FBXO36: variants seen among roughly 807,000 people sequenced by gnomAD.
FBXO36 encodes the protein F-box only protein 36.
In FBXO36, 18 loss-of-function variants were observed where a neutral mutation model predicts 17.0. The observed-to-expected ratio is 1.06, with a 90% confidence interval of 0.73 to 1.57. The LOEUF is 1.57. FBXO36 is among the 40% of genes most tolerant of loss of function. The pLI is 0.00. For missense variants in FBXO36, 229 were observed against 221.9 expected (o/e 1.03, Z -0.20); for synonymous variants, 83 against 85.3 (o/e 0.97, Z 0.15).
At chr2:229,982,040 G>A (rs1215310738) in intron 2 of FBXO36, among the ~76,000 whole-genome samples, 1 of 147,822 alleles carries the variant, frequency 6.8e-6, no homozygotes, top group Non-Finnish European at 1.5e-5. Flanking sequence ...TTTTTTTTTT[G>A]AGAGACCTAG....
rs1410207060 is a variant in FBXO36 at position 229,922,571 on chromosome 2, A to T, written c.58A>T (p.Ser20Cys). The change falls in exon 1 of 4, where the codon AGC becomes TGC. Residue 20 changes from serine to cysteine, a missense_variant. Ser to Cys is a moderately radical substitution (Grantham distance 112). Coordinates refer to ENST00000283946, the MANE Select transcript of FBXO36 (RefSeq NM_174899.5). ...AACTGTAGGACAAGGCCCGCCGCCT[A>T]GCAAAGACTATTACCAGTTACTGGT... ...FETVGQGPPPSKDYYQLLVTR... is the reference protein window; with the variant it reads ...FETVGQGPPPCKDYYQLLVTR... 4 of 1,614,042 alleles carry T rather than the reference A, an allele frequency of 2.5e-6. No homozygotes were observed. In the South Asian group the frequency reaches 4.4e-5, roughly 18 times the overall value.
chr2:229,929,249 T>C lies in FBXO36; in HGVS notation c.96+6640T>C, dbSNP rs115861223. Among the ~76,000 whole-genome samples the C allele has an allele frequency of 9.7e-3, 1,471 of 152,056 alleles. 26 individuals are homozygous for C. The highest frequency in any genetic ancestry group is 0.034 in the African/African-American group (1,407 of 41,514). On this transcript the variant is annotated intron_variant, in intron 1 of 3. Coordinates refer to ENST00000283946, the MANE Select transcript of FBXO36 (RefSeq NM_174899.5). ...GCACCCGGCCTCTTTTTCTTTTTAA[T>C]ATAAGTAATAATTACCTTTGAGAAA... is the stretch of plus-strand genomic sequence containing the variant.
intron 3 of FBXO36, among the ~76,000 whole-genome samples, chr2:230,006,877 T>C (rs1403438310): frequency 6.6e-6 from 1 of 152,196 alleles, no homozygotes; most frequent in African/African-American, 2.4e-5. Flanking sequence ...AGGGACTCTG[T>C]GAAAGGCACC....
intron 1 of FBXO36, among the ~76,000 whole-genome samples, chr2:229,937,264 G>A (rs1400628537): frequency 1.3e-5 from 2 of 152,080 alleles, no homozygotes; most frequent in African/African-American, 2.4e-5. Context: ...GGAGGCTGAG[G>A]CGGGCAGATC....
chr2:229,928,719 T>C (rs1238756827), intron 1 of FBXO36, among the ~76,000 whole-genome samples: 1 of 152,204 alleles, frequency 6.6e-6, no homozygotes, highest in East Asian at 1.9e-4. Context: ...TGATTAATGA[T>C]TAATTTTGCA....
At chr2:229,991,127 G>A (rs1209501682) in intron 2 of FBXO36, among the ~76,000 whole-genome samples, 1 of 152,088 alleles carries the variant, frequency 6.6e-6, no homozygotes. Flanking sequence ...ATAGAGATGG[G>A]GTTTCACCAT....
At chr2:229,977,456 T>C (rs10169734) in intron 2 of FBXO36, among the ~76,000 whole-genome samples, 37,684 of 151,958 alleles carry the variant, frequency 0.25, 4,838 homozygotes, top group South Asian at 0.29. Context: ...TTTTTGTTTT[T>C]TGTTTTTTTT....
rs554448744 is a variant in FBXO36, at chr2:229,933,405, T to TAC, written c.96+10808_96+10809dup. 5.4e-3 allele frequency among the ~76,000 whole-genome samples: 814 copies of TAC among 152,078 alleles called. 10 individuals carry two copies. The highest frequency in any genetic ancestry group is 0.019 in the African/African-American group (781 of 41,492). On this transcript the variant is annotated intron_variant, in intron 1 of 3. Coordinates refer to ENST00000283946, the MANE Select transcript of FBXO36 (RefSeq NM_174899.5). ...AAAAAAAGAGCAAAACTCTCTCATATACACACACACACAAAGATTGTGCGT... is the reference window on the plus strand; with the variant it reads ...AAAAAAAGAGCAAAACTCTCTCATATACACACACACACACAAAGATTGTGCGT...
At chr2:230,000,126 G>A (rs1330718612) in intron 3 of FBXO36, among the ~76,000 whole-genome samples, 2 of 152,020 alleles carry the variant, frequency 1.3e-5, no homozygotes, top group Non-Finnish European at 2.9e-5. Flanking sequence ...GGGAGGCCGA[G>A]GTGGGTGGAT....
intron 1 of FBXO36, among the ~76,000 whole-genome samples, chr2:229,960,879 C>T (rs946156094): frequency 6.6e-6 from 1 of 152,252 alleles, no homozygotes; most frequent in East Asian, 1.9e-4. Flanking sequence ...GAGGCCAAGG[C>T]GGGCGGATCA....
intron 1 of FBXO36, among the ~76,000 whole-genome samples, chr2:229,930,729 C>T (rs546593336): frequency 2.6e-5 from 4 of 151,990 alleles, no homozygotes; most frequent in Non-Finnish European, 5.9e-5. Context: ...CAAGCCTGGG[C>T]GACAGTGAGA....
intron 1 of FBXO36, chr2:229,937,802 A>G (rs1560431976): frequency 6.6e-6 from 1 of 152,188 alleles, no homozygotes; most frequent in Non-Finnish European, 1.5e-5. Context: ...CAGAAGGGAA[A>G]GGGTGTCTCT....
intron 1 of FBXO36, among the ~76,000 whole-genome samples, chr2:229,974,581 C>G (rs2077197996): frequency 6.6e-6 from 1 of 152,072 alleles, no homozygotes; most frequent in Non-Finnish European, 1.5e-5. Context: ...TTTTTATGAA[C>G]AAGTTAAGAG....
chr2:229,998,720 G>A (rs1310621279), intron 3 of FBXO36, among the ~76,000 whole-genome samples: 2 of 151,800 alleles, frequency 1.3e-5, no homozygotes, highest in African/African-American at 4.8e-5. Flanking sequence ...AGCCCAGGAC[G>A]TTGAGGTTAC....
At chr2:229,957,252 T>C (rs948562523) in intron 1 of FBXO36, among the ~76,000 whole-genome samples, 5 of 152,122 alleles carry the variant, frequency 3.3e-5, no homozygotes, top group South Asian at 2.1e-4. Flanking sequence ...ATGTTACATA[T>C]GCAGAGAGAC....
chr2:229,947,772 A>G (rs2077035186), intron 1 of FBXO36, among the ~76,000 whole-genome samples: 1 of 152,212 alleles, frequency 6.6e-6, no homozygotes, highest in South Asian at 2.1e-4. Context: ...AATAAGGAAT[A>G]CAGGAAGTGG....
intron 2 of FBXO36, among the ~76,000 whole-genome samples, chr2:229,993,739 C>T (rs1204279551): frequency 6.6e-6 from 1 of 152,102 alleles, no homozygotes; most frequent in African/African-American, 2.4e-5. Flanking sequence ...CCTAGCTGTA[C>T]ATGTCCTAAA....
In FBXO36 at chr2:230,010,812, C is replaced by T. The variant is rs1415664991; in HGVS notation, c.495C>T (p.Asn165=). The part of the protein sequence containing the change: ...DTGWRQLFFT[N]KLQLQRQLRK... ...GCTGGAGACAGCTGTTCTTCACCAA[C>T]AAGCTCCAGCTCCAGCGGCAGCTCC... Residue 165 remains asparagine, a synonymous_variant, in exon 4 of 4, where the codon AAC becomes AAT. Transcript: ENST00000283946. 1 of 1,613,792 alleles carries T rather than the reference C, an allele frequency of 6.2e-7. No homozygotes were observed. The highest frequency in any genetic ancestry group is 1.7e-5 in the Admixed American group (1 of 59,978).
chr2:229,956,317 C>T (rs924408135), intron 1 of FBXO36, among the ~76,000 whole-genome samples: 3 of 152,176 alleles, frequency 2.0e-5, no homozygotes, highest in Non-Finnish European at 4.4e-5. Flanking sequence ...TTTCTCTGGG[C>T]ATACACATTG....
Sources: allele counts gnomAD v4.1 joint callset (sites outside exome capture counted in the v4.1 genomes callset), GRCh38; gene constraint gnomAD v4.1.1; transcripts MANE v1.5; gene names NCBI Gene and HGNC (gene_info 2026-07-23, HGNC 2026-07-21).